OPA1: variants seen among roughly 807,000 people sequenced by gnomAD.
The protein encoded by OPA1 is OPA1 mitochondrial dynamin like GTPase.
A neutral mutation model predicts 152.9 loss-of-function variants in OPA1; 59 were observed. The observed-to-expected ratio is 0.39, with a 90% CI of 0.31 to 0.48. The LOEUF (loss-of-function observed/expected upper bound fraction) is 0.48. OPA1 is among the 20% of genes least tolerant of loss of function. The pLI, the probability that OPA1 is intolerant of heterozygous loss-of-function variation, is 0.96. For synonymous variants in OPA1, 400 were observed against 389.9 expected (o/e 1.03, Z -0.31); for missense variants, 1,008 against 1,216.8 (o/e 0.83, Z 2.55).
chr3:193,664,795 A>G (rs770019295), intron 26 of OPA1, 85 bp from the exon 27 acceptor site: 36 of 799,140 alleles, frequency 4.5e-5, no homozygotes, highest in Non-Finnish European at 6.9e-5. Flanking sequence ...TTTTTGGTAA[A>G]TATAATTTTT....
In OPA1 at chr3:193,692,122, A is replaced by G. The variant is rs1221865839; in HGVS notation, c.3043A>G (p.Lys1015Glu). 6.6e-7 allele frequency: 1 copy of G among 1,524,194 alleles called. No homozygotes were observed. Among genetic ancestry groups the G allele is most frequent in the Admixed American group, 1.8e-5 (1 of 55,490 alleles). The allele number at this position is 1,524,194 out of a possible 1,614,324, so 94.4% of individuals were successfully genotyped here. ...DAFIEALHQE[K>E] is the part of the protein sequence containing the mutation. ...TTTCATTGAAGCTCTTCATCAGGAG[A>G]AATAAATTAAGTGAGTAAAAATTCT... Residue 1015 changes from lysine (K) to glutamate (E), a missense_variant, in exon 30 of 31, where the codon AAA becomes GAA. Transcript: ENST00000361510.
intron 22 of OPA1, 146 bp from the exon 23 acceptor site, chr3:193,656,934 C>T (rs1433249751): frequency 2.9e-6 from 2 of 700,572 alleles, no homozygotes; most frequent in Non-Finnish European, 4.7e-6. Context: ...TTTATATTTG[C>T]CTTTTTGTTA....
intron 29 of OPA1, among the ~76,000 whole-genome samples, chr3:193,687,305 T>A (rs1220570432): frequency 6.6e-6 from 1 of 152,198 alleles, no homozygotes; most frequent in Non-Finnish European, 1.5e-5. Context: ...CACAGTGAAT[T>A]GATGTTTGAA....
chr3:193,665,996 G>A (rs913526818), intron 27 of OPA1, among the ~76,000 whole-genome samples: 4 of 152,144 alleles, frequency 2.6e-5, no homozygotes, highest in African/African-American at 9.7e-5. Flanking sequence ...GGTATATGCT[G>A]TGAATTTCAA....
chr3:193,680,125 A>G (rs544512033), intron 29 of OPA1, among the ~76,000 whole-genome samples: 1 of 152,338 alleles, frequency 6.6e-6, no homozygotes, highest in Admixed American at 6.5e-5. Flanking sequence ...CACCTAATTC[A>G]TAATTTTATT....
intron 3 of OPA1, among the ~76,000 whole-genome samples, chr3:193,616,630 T>C (rs1241916728): frequency 6.6e-6 from 1 of 152,210 alleles, no homozygotes; most frequent in African/African-American, 2.4e-5. Context: ...TAATTTCTTT[T>C]CTTAGTTGGC....
At chr3:193,607,914 G>C (rs545986923) in intron 1 of OPA1, among the ~76,000 whole-genome samples, 19 of 152,280 alleles carry the variant, frequency 1.2e-4, no homozygotes, top group African/African-American at 4.6e-4. Flanking sequence ...TCTTCCATTT[G>C]TTTGTATCCT....
intron 29 of OPA1, among the ~76,000 whole-genome samples, chr3:193,678,956 T>C (rs960263346): frequency 2.9e-4 from 44 of 152,140 alleles, no homozygotes; most frequent in South Asian, 1.7e-3. Context: ...TGTTTTTTTT[T>C]CCCAAGATTA....
At chr3:193,667,687 A>AAG (rs1471727810) in intron 29 of OPA1, among the ~76,000 whole-genome samples, 1 of 151,860 alleles carries the variant, frequency 6.6e-6, no homozygotes, top group African/African-American at 2.4e-5. Flanking sequence ...AAAAAAAAAA[A>AAG]AAAAGTTACA....
At position 193,657,101 on chromosome 3, in the gene OPA1, G is replaced by C; in HGVS notation, c.2200G>C (p.Glu734Gln). ...AVEVAWETLQ[E>Q]EFSRFMTEPK... is the part of the protein sequence containing the mutation. The stretch of plus-strand genomic sequence containing the variant: ...ATAGGTTGCTTGGGAGACCCTACAA[G>C]AAGAATTTTCCCGCTTTATGACAGA... The change falls in exon 23 of 31, where the codon GAA (glutamate) becomes CAA (glutamine). Residue 734 changes from glutamate (E) to glutamine (Q), a missense_variant. Glu to Gln is a conservative substitution (Grantham distance 29). Transcript: ENST00000361510. 1 of 1,613,458 alleles carries C rather than the reference G, an allele frequency of 6.2e-7. No individual in the cohort carries two copies. The highest frequency in any genetic ancestry group is 8.5e-7 in the Non-Finnish European group (1 of 1,179,744).
intron 7 of OPA1, among the ~76,000 whole-genome samples, chr3:193,631,215 T>C (rs188819347): frequency 1.3e-5 from 2 of 152,342 alleles, no homozygotes; most frequent in African/African-American, 4.8e-5. Flanking sequence ...ATTTGACTTT[T>C]CAAAACACAT....
intron 29 of OPA1, among the ~76,000 whole-genome samples, chr3:193,682,370 G>A (rs1032865021): frequency 6.6e-6 from 1 of 152,240 alleles, no homozygotes; most frequent in African/African-American, 2.4e-5. Context: ...AGGTGCTGAT[G>A]TAGCAGCTGC....
chr3:193,661,190 G>A (rs1405447440), intron 25 of OPA1, among the ~76,000 whole-genome samples: 3 of 152,200 alleles, frequency 2.0e-5, no homozygotes, highest in African/African-American at 7.2e-5. Context: ...GGGTCTGTAA[G>A]CCTAGAAGAG....
chr3:193,688,046 C>T (rs1399732338), intron 29 of OPA1, among the ~76,000 whole-genome samples: 1 of 152,142 alleles, frequency 6.6e-6, no homozygotes, highest in African/African-American at 2.4e-5. Context: ...ATCTTGCCTC[C>T]TGTTCCCAGG....
chr3:193,614,881 C>T lies in OPA1; in HGVS notation c.191C>T (p.Ser64Phe), dbSNP rs1333436619. The change falls in exon 2 of 31, where the codon TCT becomes TTT. Residue 64 changes from serine (S) to phenylalanine (F), a missense_variant. Around this residue, in one of 7 missense-constraint regions of OPA1, gnomAD observed 408 missense variants for 395.1 expected, o/e 1.03. Coordinates refer to ENST00000361510, the MANE Select transcript of OPA1 (RefSeq NM_130837.3). Reference protein sequence around the residue: ...QLRTSFQQFSSLTNLPLRKLK... With the variant: ...QLRTSFQQFSFLTNLPLRKLK... The stretch of plus-strand genomic sequence containing the variant: ...AGGACATCCTTTCAGCAGTTCTCTT[C>T]TCTGACAAACCTTCCTTTACGTAAA... 1.2e-6 allele frequency: 2 copies of T among 1,614,120 alleles called. No individual in the cohort carries two copies. Among genetic ancestry groups the T allele is most frequent in the Admixed American group, 3.3e-5 (2 of 60,010 alleles).
At position 193,599,250 on chromosome 3, in the gene OPA1, A is replaced by G. The variant is rs533896098; in HGVS notation, c.32+5841A>G. Among the ~76,000 whole-genome samples the G allele has an allele frequency of 3.3e-5, 5 of 152,244 alleles. 1 individual carries two copies. Among genetic ancestry groups the G allele is most frequent in the South Asian group, 4.1e-4 (2 of 4,822 alleles). On this transcript the variant is annotated intron_variant, in intron 1 of 30. Transcript: ENST00000361510. ...CTCTGTAGTTCCCCATTGCCTACGA[A>G]AAAAAGTTAAGCCTCAGCCTTATAT... is the stretch of plus-strand genomic sequence containing the variant.
chr3:193,610,555 T>C (rs2108841923), intron 1 of OPA1, among the ~76,000 whole-genome samples: 1 of 152,334 alleles, frequency 6.6e-6, no homozygotes, highest in Non-Finnish European at 1.5e-5. Context: ...CACTGCTCTC[T>C]TCCAAGCTGT....
At chr3:193,634,014 C>T (rs1186741541) in intron 8 of OPA1, among the ~76,000 whole-genome samples, 1 of 152,076 alleles carries the variant, frequency 6.6e-6, no homozygotes, top group Non-Finnish European at 1.5e-5. Context: ...TTGAGTTGGA[C>T]TTGCTGTAAG....
At chr3:193,653,293 C>G (rs529296962) in intron 21 of OPA1, among the ~76,000 whole-genome samples, 2 of 152,268 alleles carry the variant, frequency 1.3e-5, no homozygotes, top group African/African-American at 4.8e-5. Context: ...TTGATTGATT[C>G]AGTAGACTTA....
Sources: gnomAD v4.1 joint callset for allele counts (sites outside exome capture counted in the v4.1 genomes callset) on GRCh38, gnomAD v4.1.1 for gene constraint, gnomAD v4.1.1 regional missense constraint, MANE v1.5 for transcripts, NCBI Gene and HGNC (gene_info 2026-07-23, HGNC 2026-07-21) for gene names.